Variants in NRXN3 observed in about 807,000 individuals in gnomAD.
NRXN3 encodes neurexin 3, also known as neurexin III.
Under a neutral mutation model 137.6 loss-of-function variants are expected in NRXN3, and 32 were observed. That is an observed-to-expected ratio of 0.23 (90% CI 0.18 to 0.31). The LOEUF (loss-of-function observed/expected upper bound fraction) is 0.31, where lower values mean the gene tolerates loss of function less well. Among genes scored for constraint, NRXN3 ranks in the 10% least tolerant of loss-of-function variants. The pLI is 1.00. For missense variants in NRXN3, 1,574 were observed against 2,062.5 expected, an observed-to-expected ratio of 0.76 and a Z score of 4.59; for synonymous variants, 798 against 784.5, an observed-to-expected ratio of 1.02 and a Z score of -0.29.
At chr14:79,397,367 T>G (rs1339751308) in intron 15 of NRXN3, among the ~76,000 whole-genome samples, 1 of 152,234 alleles carries the variant, frequency 6.6e-6, no homozygotes, top group African/African-American at 2.4e-5. Flanking sequence ...ACCCATGTCT[T>G]AATCATCTTT....
intron 19 of NRXN3, among the ~76,000 whole-genome samples, chr14:79,767,265 A>G (rs1279753844): frequency 6.6e-6 from 1 of 152,126 alleles, no homozygotes; most frequent in East Asian, 1.9e-4. Context: ...ACCTTACTTT[A>G]ATTTCACTAA....
chr14:78,595,996 G>A (rs896390667), intron 4 of NRXN3, among the ~76,000 whole-genome samples: 1 of 152,030 alleles, frequency 6.6e-6, no homozygotes, highest in Non-Finnish European at 1.5e-5. Flanking sequence ...GAGCGCTACT[G>A]ACATCTAGTG....
At chr14:79,416,913 A>G (rs550957625) in intron 15 of NRXN3, among the ~76,000 whole-genome samples, 1 of 152,290 alleles carries the variant, frequency 6.6e-6, no homozygotes, top group East Asian at 1.9e-4. Context: ...TTTTTAGAAG[A>G]AAACAAATTA....
intron 19 of NRXN3, among the ~76,000 whole-genome samples, chr14:79,719,682 G>A (rs996188160): frequency 3.3e-5 from 5 of 152,100 alleles, no homozygotes; most frequent in Non-Finnish European, 4.4e-5. Flanking sequence ...AAAAGGTCCC[G>A]CAGATTCCCA....
chr14:78,302,302 G>T (rs1336814578), intron 4 of NRXN3, among the ~76,000 whole-genome samples: 1 of 152,066 alleles, frequency 6.6e-6, no homozygotes, highest in Non-Finnish European at 1.5e-5. Context: ...ACTACTAGAA[G>T]CTGCTGACAC....
intron 8 of NRXN3, among the ~76,000 whole-genome samples, chr14:78,772,912 G>C (rs903216052): frequency 2.0e-5 from 3 of 152,184 alleles, no homozygotes; most frequent in Non-Finnish European, 2.9e-5. Context: ...TAACTCGGAG[G>C]AAGTTCTTTT....
intron 10 of NRXN3, among the ~76,000 whole-genome samples, chr14:78,906,294 T>C (rs1217661640): frequency 6.6e-6 from 1 of 152,090 alleles, no homozygotes; most frequent in East Asian, 1.9e-4. Context: ...TTCTTTACAC[T>C]GTGCCCTGCA....
At chr14:79,259,826 G>T (rs950075117) in intron 15 of NRXN3, among the ~76,000 whole-genome samples, 30 of 151,614 alleles carry the variant, frequency 2.0e-4, no homozygotes, top group African/African-American at 7.3e-4. Flanking sequence ...GATATTCTGG[G>T]GTCATCTACA....
chr14:79,176,076 A>G (rs1228288206), intron 15 of NRXN3, among the ~76,000 whole-genome samples: 1 of 152,238 alleles, frequency 6.6e-6, no homozygotes. Flanking sequence ...CATCACAGCA[A>G]TTACATGTCT....
At chr14:79,585,694 C>CAAA (rs76676582) in intron 16 of NRXN3, among the ~76,000 whole-genome samples, 2 of 114,360 alleles carry the variant, frequency 1.7e-5, no homozygotes, top group African/African-American at 6.3e-5. Context: ...AAAAAAAAAA[C>CAAA]AAAAAAAAAA....
intron 15 of NRXN3, among the ~76,000 whole-genome samples, chr14:79,424,089 A>G (rs187919754): frequency 7.7e-4 from 117 of 152,312 alleles, no homozygotes; most frequent in African/African-American, 2.5e-3. Flanking sequence ...AAGAAACTCA[A>G]ATTATCCAGG....
chr14:79,773,338 T>C (rs186949267), intron 19 of NRXN3, among the ~76,000 whole-genome samples: 1 of 152,080 alleles, frequency 6.6e-6, no homozygotes, highest in Non-Finnish European at 1.5e-5. Context: ...CGTATGTTTA[T>C]TGCGGCATTA....
intron 4 of NRXN3, among the ~76,000 whole-genome samples, chr14:78,375,846 T>G (rs1232871982): frequency 1.3e-5 from 2 of 152,108 alleles, no homozygotes; most frequent in African/African-American, 4.8e-5. Flanking sequence ...GGCTGTGAGG[T>G]GGGGATGATG....
At chr14:79,213,707 G>A (rs1442279970) in intron 15 of NRXN3, among the ~76,000 whole-genome samples, 1 of 151,894 alleles carries the variant, frequency 6.6e-6, no homozygotes, top group East Asian at 1.9e-4. Flanking sequence ...GCCTTTCCGG[G>A]CCTTGATCTT....
chr14:79,739,144 G>A (rs1488677909), intron 19 of NRXN3, among the ~76,000 whole-genome samples: 1 of 152,154 alleles, frequency 6.6e-6, no homozygotes, highest in Non-Finnish European at 1.5e-5. Flanking sequence ...CATTGCCTGT[G>A]GGTTGGGTTG....
intron 4 of NRXN3, among the ~76,000 whole-genome samples, chr14:78,410,056 G>A (rs937998086): frequency 2.0e-5 from 3 of 152,130 alleles, no homozygotes; most frequent in Admixed American, 6.5e-5. Flanking sequence ...TTCTGTCTAG[G>A]GGGAGATATA....
At chr14:78,499,145 T>A (rs529566553) in intron 4 of NRXN3, among the ~76,000 whole-genome samples, 18 of 152,254 alleles carry the variant, frequency 1.2e-4, no homozygotes, top group African/African-American at 3.9e-4. Flanking sequence ...CTCCTCCTCA[T>A]TTTTAATTTT....
intron 4 of NRXN3, among the ~76,000 whole-genome samples, chr14:78,424,746 A>C (rs1398806820): frequency 6.6e-6 from 1 of 152,210 alleles, no homozygotes; most frequent in Non-Finnish European, 1.5e-5. Context: ...AATCTGTAGG[A>C]GGTACAATGC....
chr14:78,208,520 C>T (rs60973131), intron 1 of NRXN3, among the ~76,000 whole-genome samples: 2 of 152,206 alleles, frequency 1.3e-5, no homozygotes, highest in Non-Finnish European at 2.9e-5. Flanking sequence ...AATGCCTCCT[C>T]TCTGAGGCCA....
Sources: gnomAD v4.1 joint callset for allele counts (sites outside exome capture counted in the v4.1 genomes callset) on GRCh38, gnomAD v4.1.1 for gene constraint, MANE v1.5 for transcripts, NCBI Gene and HGNC (gene_info 2026-07-23, HGNC 2026-07-21) for gene names.